RAB22A: variants seen among roughly 807,000 people sequenced by gnomAD.
RAB22A encodes the protein ras-related protein Rab-22A.
A neutral mutation model predicts 30.2 loss-of-function variants in RAB22A; 13 were observed. The observed-to-expected ratio is 0.43, with a 90% CI of 0.28 to 0.68. RAB22A has a LOEUF of 0.68. Ranked by LOEUF, RAB22A falls within the 30% of genes least tolerant of loss-of-function variation. The pLI is 0.18. For synonymous variants in RAB22A, 89 were observed against 87.2 expected (o/e 1.02, Z -0.11); for missense variants, 177 against 246.8 (o/e 0.72, Z 1.89).
rs1045408 is a variant in RAB22A at position 58,367,026 on chromosome 20, A to T, written c.*7323A>T. Reference sequence around the variant, plus strand: ...ATAAGATATTTGTGCCTTTTTATAAAAGCATCTATTACGAAAGTAAAATTC... The same window carrying T: ...ATAAGATATTTGTGCCTTTTTATAATAGCATCTATTACGAAAGTAAAATTC... On this transcript the variant is annotated 3_prime_UTR_variant, in exon 7 of 7. Coordinates refer to ENST00000244040, the MANE Select transcript of RAB22A (RefSeq NM_020673.3). 0.36 allele frequency: 55,371 copies of T among 152,464 alleles called. 10,287 individuals are homozygous for T. The highest frequency in any genetic ancestry group is 0.4 in the Non-Finnish European group (27,364 of 67,976). 9.4% of individuals were successfully genotyped at this position (152,464 alleles called of 1,614,324 possible). A position where few individuals can be genotyped will look rare whatever the true frequency, so the allele number is the denominator to read the frequency against.
At chr20:58,316,433 A>G (rs1163502832) in intron 2 of RAB22A, among the ~76,000 whole-genome samples, 2 of 152,132 alleles carry the variant, frequency 1.3e-5, no homozygotes, top group Non-Finnish European at 2.9e-5. Flanking sequence ...TTGCAACCAC[A>G]GCAGGGATTT....
At chr20:58,316,347 C>T (rs985270972) in intron 2 of RAB22A, among the ~76,000 whole-genome samples, 4 of 152,104 alleles carry the variant, frequency 2.6e-5, no homozygotes, top group African/African-American at 9.7e-5. Context: ...TTTGTATGTC[C>T]AGATCCCAGG....
intron 6 of RAB22A, among the ~76,000 whole-genome samples, chr20:58,356,182 A>C (rs1159746307): frequency 1.3e-5 from 2 of 151,944 alleles, no homozygotes; most frequent in Admixed American, 1.3e-4. Flanking sequence ...GTGGTGGTGC[A>C]TGCCTGTAAT....
At chr20:58,327,922 C>T (rs867576307) in intron 2 of RAB22A, among the ~76,000 whole-genome samples, 30 of 152,086 alleles carry the variant, frequency 2.0e-4, no homozygotes, top group African/African-American at 3.6e-4. Context: ...AACAATTAAA[C>T]GCAACATGTG....
chr20:58,320,541 C>T (rs1469767733), intron 2 of RAB22A, among the ~76,000 whole-genome samples: 4 of 152,076 alleles, frequency 2.6e-5, no homozygotes, highest in Non-Finnish European at 5.9e-5. Flanking sequence ...CTCAAAGAAC[C>T]AGTTTTTGTT....
chr20:58,326,488 GTTTGT>G (rs986129799), intron 2 of RAB22A, among the ~76,000 whole-genome samples: 3 of 151,932 alleles, frequency 2.0e-5, no homozygotes. Context: ...TTTTTTGTTT[GTTTGT>G]TTTGTTTTGT....
intron 2 of RAB22A, among the ~76,000 whole-genome samples, chr20:58,343,271 A>C (rs1986888197): frequency 6.6e-6 from 1 of 151,864 alleles, no homozygotes; most frequent in South Asian, 2.1e-4. Context: ...ACTAGCTCTC[A>C]CTCACCTATT....
At chr20:58,313,148 G>T (rs1986264677) in intron 2 of RAB22A, among the ~76,000 whole-genome samples, 1 of 152,078 alleles carries the variant, frequency 6.6e-6, no homozygotes, top group Non-Finnish European at 1.5e-5. Context: ...CATGCATCTT[G>T]GTGAGGCACG....
intron 2 of RAB22A, among the ~76,000 whole-genome samples, chr20:58,324,347 C>T (rs1986516854): frequency 2.0e-5 from 3 of 151,664 alleles, no homozygotes; most frequent in Admixed American, 1.3e-4. Context: ...ATACGTTTTC[C>T]AATTTATTGA....
intron 1 of RAB22A, among the ~76,000 whole-genome samples, 163 bp downstream of exon 1, chr20:58,310,175 T>C (rs976161459): frequency 4.7e-5 from 7 of 148,194 alleles, no homozygotes; most frequent in Middle Eastern, 3.3e-3. Flanking sequence ...CGCCCACCTC[T>C]TGCACTCTCG....
chr20:58,348,317 A>C (rs747434575), intron 3 of RAB22A, among the ~76,000 whole-genome samples: 3 of 152,190 alleles, frequency 2.0e-5, no homozygotes, highest in African/African-American at 4.8e-5. Flanking sequence ...GGTTTCTCCC[A>C]ATGACTGTTT....
At chr20:58,319,185 G>A (rs188667616) in intron 2 of RAB22A, among the ~76,000 whole-genome samples, 47 of 151,934 alleles carry the variant, frequency 3.1e-4, no homozygotes, top group African/African-American at 1.1e-3. Flanking sequence ...CAAAGTAAAC[G>A]AGTAGAAACA....
intron 3 of RAB22A, among the ~76,000 whole-genome samples, chr20:58,351,781 C>G (rs1042660989): frequency 3.9e-5 from 6 of 152,234 alleles, no homozygotes; most frequent in African/African-American, 1.4e-4. Flanking sequence ...CCATTGCACT[C>G]CAGCCTAGAC....
intron 2 of RAB22A, among the ~76,000 whole-genome samples, chr20:58,329,184 G>A (rs2122941285): frequency 6.6e-6 from 1 of 151,924 alleles, no homozygotes; most frequent in Non-Finnish European, 1.5e-5. Context: ...CTCCTGAGTA[G>A]CTGGGATTAC....
intron 2 of RAB22A, among the ~76,000 whole-genome samples, chr20:58,335,410 G>A (rs866156431): frequency 1.3e-5 from 2 of 152,082 alleles, no homozygotes; most frequent in African/African-American, 4.8e-5. Context: ...CCATCATGGT[G>A]CAGGTACTCA....
At position 58,323,488 on chromosome 20, in the gene RAB22A, G is replaced by C. The variant is rs910550532; in HGVS notation, c.116+12366G>C. Among the ~76,000 whole-genome samples the C allele has an allele frequency of 2.6e-5, 4 of 151,834 alleles. No individual in the cohort carries two copies. In the South Asian group the frequency reaches 8.3e-4, roughly 32 times the overall value. On this transcript the variant is annotated intron_variant, in intron 2 of 6. Coordinates refer to ENST00000244040, the MANE Select transcript of RAB22A (RefSeq NM_020673.3). The stretch of plus-strand genomic sequence containing the variant: ...TCTATGAGATCAGGTAGGATCTCTA[G>C]TTCAATGTTCAATAGAAATGGTAAT...
intron 2 of RAB22A, among the ~76,000 whole-genome samples, chr20:58,317,628 G>A (rs1214465326): frequency 4.2e-5 from 6 of 144,416 alleles, no homozygotes; most frequent in Admixed American, 7.1e-5. Flanking sequence ...GCGCGATCTC[G>A]GCTCACTGCA....
At chr20:58,334,039 AT>A (rs199807651) in intron 2 of RAB22A, among the ~76,000 whole-genome samples, 226 of 151,610 alleles carry the variant, frequency 1.5e-3, no homozygotes, top group African/African-American at 5.1e-3. Flanking sequence ...TTAAAAAAAA[AT>A]TTTTTTTTGG....
intron 2 of RAB22A, among the ~76,000 whole-genome samples, chr20:58,312,058 C>T (rs762559999): frequency 1.3e-5 from 2 of 152,056 alleles, no homozygotes; most frequent in African/African-American, 4.8e-5. Flanking sequence ...CGGGTTCAAG[C>T]GATTCTCCTG....
Sources: gnomAD v4.1 joint callset for allele counts (sites outside exome capture counted in the v4.1 genomes callset) on GRCh38, gnomAD v4.1.1 for gene constraint, MANE v1.5 for transcripts, NCBI Gene and HGNC (gene_info 2026-07-23, HGNC 2026-07-21) for gene names.